Variants in KCP observed in about 807,000 individuals in gnomAD.
The protein encoded by KCP is kielin/chordin-like protein.
Under a neutral mutation model 212.7 loss-of-function variants are expected in KCP, and 194 were observed. That is an observed-to-expected ratio of 0.91 (90% CI 0.81 to 1.03). The LOEUF is 1.03. KCP is among the 50% of genes least tolerant of loss of function. KCP has a pLI of 0.00. For missense variants in KCP, 2,080 were observed against 2,162.5 expected (o/e 0.96, Z 0.76); for synonymous variants, 833 against 865.3 (o/e 0.96, Z 0.65).
chr7:128,878,712 T>C lies in KCP; in HGVS notation c.4157A>G (p.Asp1386Gly). ...GCTCACCTCCACCTGGGACTGCCCA[T>C]CCCACAGCACCTGTGTGGAGAGGCC... is the stretch of plus-strand genomic sequence containing the variant. ...HAQPGLQVLW[D>G]GQSQVEVSVP... The change falls in exon 38 of 40, where the codon GAT (aspartate) becomes GGT (glycine). Residue 1386 changes from aspartate (D) to glycine (G), a missense_variant. By Grantham distance (94) the Asp-to-Gly change is moderately conservative. Coordinates refer to ENST00000610776, the MANE Select transcript of KCP (RefSeq NM_001366122.1). The C allele has an allele frequency of 6.5e-7, 1 of 1,549,682 alleles. No individual in the cohort carries two copies. The highest frequency in any genetic ancestry group is 8.7e-7 in the Non-Finnish European group (1 of 1,146,878).
intron 16 of KCP, 116 bp downstream of exon 16, chr7:128,892,398 A>G: frequency 3.9e-6 from 3 of 764,302 alleles, no homozygotes; most frequent in Non-Finnish European, 4.2e-6. Flanking sequence ...CTCTGAAACA[A>G]GACTGAAACA....
chr7:128,887,618 C>A (rs1793747086), intron 22 of KCP, among the ~76,000 whole-genome samples: 3 of 150,722 alleles, frequency 2.0e-5, no homozygotes, highest in Non-Finnish European at 4.4e-5. Context: ...TACACCCCCC[C>A]ACACACAGCC....
At chr7:128,903,200 C>T in intron 7 of KCP, 1 of 347,994 alleles carries the variant, frequency 2.9e-6, no homozygotes, top group African/African-American at 2.1e-5. Context: ...TTGATTTCTC[C>T]CCTCTTCCTA....
Position 128,892,917 on chromosome 7 carries a change from C to A in KCP, c.1372G>T (p.Ala458Ser), listed in dbSNP as rs1254078066. Reference sequence around the variant, plus strand: ...CAGGGGGCTGGGGGGCAGAGCACAGCCCCGCACTTGGGTACCCCATCTTGA... The same window carrying A: ...CAGGGGGCTGGGGGGCAGAGCACAGACCCGCACTTGGGTACCCCATCTTGA... ...VCQDGVPKCG[A>S]VLCPPAPCQH... The change falls in exon 14 of 40, where the codon GCT becomes TCT. Residue 458 changes from alanine to serine, a missense_variant. Physicochemically the swap from Ala to Ser is moderately conservative, Grantham distance 99. Coordinates refer to ENST00000610776, the MANE Select transcript of KCP (RefSeq NM_001366122.1). 2 of 1,529,160 alleles carry A rather than the reference C, an allele frequency of 1.3e-6. No homozygotes were observed. Among genetic ancestry groups the A allele is most frequent in the Non-Finnish European group, 1.8e-6 (2 of 1,126,838 alleles). 94.7% of individuals were successfully genotyped at this position (1,529,160 alleles called of 1,614,324 possible).
intron 13 of KCP, 79 bp from the exon 14 acceptor site, chr7:128,893,100 C>G (rs930804457): frequency 2.7e-5 from 27 of 1,011,650 alleles, no homozygotes; most frequent in Admixed American, 6.0e-5. Context: ...AGGGACCCCA[C>G]CTTCGCCATC....
intron 26 of KCP, 94 bp from the exon 27 acceptor site, chr7:128,885,364 G>T (rs1462631070): frequency 2.3e-6 from 3 of 1,306,754 alleles, no homozygotes; most frequent in African/African-American, 1.5e-5. Context: ...GGCACGTGGC[G>T]CCAGGAGTGA....
intron 14 of KCP, 37 bp downstream of exon 14, chr7:128,892,832 G>A: frequency 6.4e-7 from 1 of 1,551,400 alleles, no homozygotes; most frequent in Non-Finnish European, 8.7e-7. Flanking sequence ...GCTGGGTAAT[G>A]CAGGGGAAGA....
Position 128,891,208 on chromosome 7 carries a change from C to G in KCP, c.1949G>C (p.Gly650Ala). 1 of 1,544,724 alleles carries G rather than the reference C, an allele frequency of 6.5e-7. No homozygotes were observed. The highest frequency in any genetic ancestry group is 1.2e-5 in the South Asian group (1 of 84,018). The change falls in exon 19 of 40, where the codon GGA (glycine) becomes GCA (alanine). Residue 650 changes from glycine (G) to alanine (A), a missense_variant. Transcript: ENST00000610776. ...LPCPEPVLLP[G>A]ECCPQCPAAP... ...ACCTGGGCACTGCGGGCAGCACTCT[C>G]CCGGCAGCAGGACAGGCTCTGGACA...
intron 32 of KCP, 41 bp from the exon 33 acceptor site, chr7:128,880,762 C>T (rs964838841): frequency 7.1e-5 from 29 of 406,464 alleles, no homozygotes; most frequent in African/African-American, 2.5e-4. Context: ...TCTGCAGGGC[C>T]GGAGTCCCCA....
chr7:128,880,279 T>C, intron 34 of KCP, 107 bp downstream of exon 34: 1 of 1,390,306 alleles, frequency 7.2e-7, no homozygotes. Context: ...AGCTCCCAGC[T>C]GGCGGCAGGA....
Position 128,888,891 on chromosome 7 carries a change from G to C in KCP, c.2484C>G (p.Pro828=). The change falls in exon 22 of 40, where the codon CCC becomes CCG. Residue 828 remains proline, a synonymous_variant. Coordinates refer to ENST00000610776, the MANE Select transcript of KCP (RefSeq NM_001366122.1). ...GGCAGGTCGGGCAGCAGTGCCCAGA[G>C]GGGATGAGTGGGTGGCTGCAGCCCG... ...EPPGCSHPLI[P]SGHCCPTCQG... The C allele has an allele frequency of 1.3e-6, 2 of 1,550,366 alleles. No individual in the cohort carries two copies. The highest frequency in any genetic ancestry group is 1.7e-6 in the Non-Finnish European group (2 of 1,146,826).
intron 21 of KCP, among the ~76,000 whole-genome samples, chr7:128,889,585 A>C (rs1793957146): frequency 1.3e-5 from 2 of 152,374 alleles, no homozygotes; most frequent in South Asian, 4.1e-4. Context: ...ACAAGGATTT[A>C]ACAACATTAT....
Position 128,890,940 on chromosome 7 carries a change from TGCGCGCAGGGCGCGG to T in KCP, c.2114_2128del (p.Pro705_Ala709del), listed in dbSNP as rs1461939430. The T allele has an allele frequency of 4.8e-6, 6 of 1,246,346 alleles. No individual in the cohort carries two copies. The highest frequency in any genetic ancestry group is 4.3e-5 in the Admixed American group (1 of 23,332). 77.2% of individuals were successfully genotyped at this position (1,246,346 alleles called of 1,614,324 possible). A position where few individuals can be genotyped will look rare whatever the true frequency, so the allele number is the denominator to read the frequency against. On this transcript the variant is annotated inframe_deletion, in exon 20 of 40. Coordinates refer to ENST00000610776, the MANE Select transcript of KCP (RefSeq NM_001366122.1). ...GGGGCAGCAAGGCCCCTGGCGCGGG[TGCGCGCAGGGCGCGG>T]GCGGGCAGGGCAGCCGCTGGCAGGA...
chr7:128,877,751 C>T lies in KCP; in HGVS notation c.4351G>A (p.Gly1451Ser). 2 of 1,550,616 alleles carry T rather than the reference C, an allele frequency of 1.3e-6. No homozygotes were observed. The highest frequency in any genetic ancestry group is 1.7e-6 in the Non-Finnish European group (2 of 1,146,920). Residue 1451 changes from glycine (G) to serine (S), a missense_variant, in exon 39 of 40, where the codon GGC becomes AGC. Transcript: ENST00000610776. Reference protein sequence around the residue: ...GLWPGRPCSAGREVDPCRAAG... With the variant: ...GLWPGRPCSASREVDPCRAAG... ...GCCCGGCACGGATCCACCTCTCGGC[C>T]TGCAGAACAGGGCCGGCCAGGCCAC... is the stretch of plus-strand genomic sequence containing the variant.
Position 128,877,125 on chromosome 7 carries a change from G to A in KCP, c.4805C>T (p.Ala1602Val). Reference protein sequence around the residue: ...EHEAHCIPPEACPQVLLTGDQ... With the variant: ...EHEAHCIPPEVCPQVLLTGDQ... The stretch of plus-strand genomic sequence containing the variant: ...TCCAGTGAGCAGGACTTGGGGGCAG[G>A]CCTCGGGTGGGATGCAGTGGGCCTC... Residue 1602 changes from alanine to valine, a missense_variant, in exon 40 of 40, where the codon GCC becomes GTC. Transcript: ENST00000610776. 1 of 1,509,528 alleles carries A rather than the reference G, an allele frequency of 6.6e-7. No individual in the cohort carries two copies. Among genetic ancestry groups the A allele is most frequent in the Non-Finnish European group, 8.8e-7 (1 of 1,131,142 alleles). 93.5% of individuals were successfully genotyped at this position (1,509,528 alleles called of 1,614,324 possible).
chr7:128,891,893 C>T (rs1292531887), intron 16 of KCP, 74 bp from the exon 17 acceptor site: 8 of 1,158,480 alleles, frequency 6.9e-6, no homozygotes, highest in African/African-American at 3.1e-5. Flanking sequence ...TCCAGAGCCG[C>T]CACACAAGTG....
In KCP at chr7:128,902,784, C is replaced by T. The variant is rs182135234; in HGVS notation, c.824G>A (p.Arg275Gln). 15 of 1,551,342 alleles carry T rather than the reference C, an allele frequency of 9.7e-6. No homozygotes were observed. Among genetic ancestry groups the T allele is most frequent in the South Asian group, 3.6e-5 (3 of 84,066 alleles). ...TTPGDPCRIC[R>Q]CLEGHIQCRQ... ...AGCAGCCTCAGGACTCACCAGGCAC[C>T]GGCAGATTCGGCAGGGGTCCCCAGG... Residue 275 changes from arginine (R) to glutamine (Q), a missense_variant, in exon 8 of 40, where the codon CGG (arginine) becomes CAG (glutamine). Physicochemically the swap from Arg to Gln is conservative, Grantham distance 43 (BLOSUM62 1). Coordinates refer to ENST00000610776, the MANE Select transcript of KCP (RefSeq NM_001366122.1).
intron 22 of KCP, among the ~76,000 whole-genome samples, chr7:128,888,659 C>T (rs1310132846): frequency 3.3e-5 from 5 of 152,236 alleles, no homozygotes; most frequent in East Asian, 3.9e-4. Context: ...CAGCCACACA[C>T]ACACAGAGCC....
At chr7:128,890,859 G>A (rs1166562238) in intron 20 of KCP, 46 bp downstream of exon 20, 6 of 1,224,854 alleles carry the variant, frequency 4.9e-6, no homozygotes, top group South Asian at 3.7e-5. Context: ...GGCGGGGCGG[G>A]GCGGCAGGAC....
Sources: gnomAD v4.1 joint callset for allele counts (sites outside exome capture counted in the v4.1 genomes callset) on GRCh38, gnomAD v4.1.1 for gene constraint, MANE v1.5 for transcripts, NCBI Gene and HGNC (gene_info 2026-07-23, HGNC 2026-07-21) for gene names.